Variants in CTNNA3 observed in about 807,000 individuals in gnomAD.
The protein encoded by CTNNA3 is catenin alpha 3.
Under a neutral mutation model 95.7 loss-of-function variants are expected in CTNNA3, and 76 were observed. The ratio of observed to expected loss-of-function variants is 0.79; its 90% confidence interval spans 0.66 to 0.96. The LOEUF is 0.96. Ranked by LOEUF, CTNNA3 falls within the 40% of genes least tolerant of loss-of-function variation. The probability of loss-of-function intolerance (pLI) is 0.00; values close to 1 mark genes in which losing one functional copy is unlikely to be tolerated. For synonymous variants in CTNNA3, 431 were observed against 374.4 expected, an observed-to-expected ratio of 1.15 and a Z score of -1.74; for missense variants, 1,191 against 1,089.8, an observed-to-expected ratio of 1.09 and a Z score of -1.31.
In CTNNA3 at chr10:66,993,694, GAAAA is replaced by G. The variant is rs58941459; in HGVS notation, c.1047+186619_1047+186622del. 3.2e-4 allele frequency among the ~76,000 whole-genome samples: 45 copies of G among 142,208 alleles called. 1 individual carries two copies. The highest frequency in any genetic ancestry group is 9.9e-4 in the African/African-American group (39 of 39,208). The allele number at this position is 142,208 out of a possible 152,430, so 93.3% of individuals were successfully genotyped here. ...GCTCTTGCACTAATGATACATAAAT[GAAAA>G]AAAAAAAAAAACAGATAAAACCTCC... On this transcript the variant is annotated intron_variant, in intron 7 of 17. Coordinates refer to ENST00000433211, the MANE Select transcript of CTNNA3 (RefSeq NM_013266.4).
chr10:67,042,818 A>C (rs1477134037), intron 7 of CTNNA3, among the ~76,000 whole-genome samples: 1 of 152,170 alleles, frequency 6.6e-6, no homozygotes, highest in Non-Finnish European at 1.5e-5. Context: ...TAGATAGTCA[A>C]CGAGAGTTAA....
At position 66,375,022 on chromosome 10, in the gene CTNNA3, G is replaced by A. The variant is rs1341434583; in HGVS notation, c.1732+4130C>T. ...ACGTCCCTTAAGAGCTACAGTGCAC[G>A]AGAACAGAAAGAATTCATTATTGCC... On this transcript the variant is annotated intron_variant, in intron 12 of 17. Coordinates refer to ENST00000433211, the MANE Select transcript of CTNNA3 (RefSeq NM_013266.4). Among the ~76,000 whole-genome samples the A allele has an allele frequency of 5.3e-5, 8 of 152,148 alleles. No homozygotes were observed. The South Asian group carries it at 1.2e-3, about 24-fold the overall frequency.
intron 9 of CTNNA3, among the ~76,000 whole-genome samples, chr10:66,742,665 C>A (rs4310509): frequency 6.6e-6 from 1 of 151,864 alleles, no homozygotes; most frequent in Non-Finnish European, 1.5e-5. Context: ...TTTCTCAGAC[C>A]GGCTGACACT....
intron 13 of CTNNA3, among the ~76,000 whole-genome samples, chr10:66,132,262 A>G (rs1219222298): frequency 2.0e-5 from 3 of 152,232 alleles, no homozygotes; most frequent in Non-Finnish European, 4.4e-5. Context: ...ACACTTTTCA[A>G]AAGAAGACAT....
intron 1 of CTNNA3, among the ~76,000 whole-genome samples, chr10:67,675,075 A>G (rs928737389): frequency 2.6e-5 from 4 of 152,020 alleles, no homozygotes; most frequent in African/African-American, 9.7e-5. Flanking sequence ...AGTGAAGAAA[A>G]CTAAGTTTCT....
In CTNNA3 at chr10:66,517,175, T is replaced by C. The variant is rs188150505; in HGVS notation, c.1531+3442A>G. 1.0e-2 allele frequency among the ~76,000 whole-genome samples: 1,514 copies of C among 152,106 alleles called. 28 individuals carry two copies. Among genetic ancestry groups the C allele is most frequent in the African/African-American group, 0.035 (1,438 of 41,482 alleles). ...AGGTGGAGTTGCAGTGAGCCAAGAT[T>C]GCGCCACTGCACTCAAGCCTGGGTG... On this transcript the variant is annotated intron_variant, in intron 11 of 17. Coordinates refer to ENST00000433211, the MANE Select transcript of CTNNA3 (RefSeq NM_013266.4).
chr10:67,071,272 T>C lies in CTNNA3; in HGVS notation c.1047+109045A>G, dbSNP rs572024644. Among the ~76,000 whole-genome samples, 3 of 152,060 alleles carry C rather than the reference T, an allele frequency of 2.0e-5. No individual in the cohort carries two copies. In the South Asian group the frequency reaches 6.2e-4, roughly 32 times the overall value. On this transcript the variant is annotated intron_variant, in intron 7 of 17. Coordinates refer to ENST00000433211, the MANE Select transcript of CTNNA3 (RefSeq NM_013266.4). ...TACAACAATTCCCTTTGGTATTCCT[T>C]TTAGTGCAGGCCTCATACTGATTAA...
At chr10:67,444,908 G>A (rs1331027551) in intron 5 of CTNNA3, among the ~76,000 whole-genome samples, 3 of 151,970 alleles carry the variant, frequency 2.0e-5, no homozygotes, top group African/African-American at 7.2e-5. Flanking sequence ...ATAATAAAGT[G>A]TCATCCAGCA....
intron 1 of CTNNA3, among the ~76,000 whole-genome samples, chr10:67,727,452 A>G (rs992280068): frequency 1.3e-4 from 18 of 133,694 alleles, no homozygotes; most frequent in Non-Finnish European, 3.1e-5. Context: ...TATATTATAT[A>G]TCATATATAT....
At chr10:66,265,962 C>T (rs764759430) in intron 13 of CTNNA3, among the ~76,000 whole-genome samples, 6 of 148,368 alleles carry the variant, frequency 4.0e-5, no homozygotes, top group Admixed American at 2.7e-4. Context: ...GCCCGTAGTA[C>T]GTACTCAATA....
At chr10:65,933,881 G>C (rs934395776) in intron 17 of CTNNA3, among the ~76,000 whole-genome samples, 2 of 152,118 alleles carry the variant, frequency 1.3e-5, no homozygotes, top group Non-Finnish European at 2.9e-5. Flanking sequence ...ATGTGACCCA[G>C]TCCCGACCAG....
chr10:67,691,700 C>T (rs1368440351), intron 1 of CTNNA3, among the ~76,000 whole-genome samples: 1 of 151,962 alleles, frequency 6.6e-6, no homozygotes, highest in Non-Finnish European at 1.5e-5. Flanking sequence ...ACCCAGCAGC[C>T]ACCCCGTCTG....
intron 10 of CTNNA3, among the ~76,000 whole-genome samples, chr10:66,577,398 G>T (rs905650007): frequency 6.6e-6 from 1 of 151,958 alleles, no homozygotes; most frequent in Non-Finnish European, 1.5e-5. Context: ...TAAATTCTTT[G>T]CAAAGGCCCA....
At chr10:66,532,250 C>T (rs2132052366) in intron 10 of CTNNA3, among the ~76,000 whole-genome samples, 1 of 152,190 alleles carries the variant, frequency 6.6e-6, no homozygotes, top group Middle Eastern at 3.4e-3. Flanking sequence ...ATCACAAGGT[C>T]AGGAGATCGA....
At chr10:66,446,088 T>A (rs1036256681) in intron 11 of CTNNA3, among the ~76,000 whole-genome samples, 8 of 152,132 alleles carry the variant, frequency 5.3e-5, no homozygotes, top group African/African-American at 1.9e-4. Flanking sequence ...AATGGATAAA[T>A]TCCTTGACAC....
intron 7 of CTNNA3, among the ~76,000 whole-genome samples, chr10:67,087,953 TG>T (rs1484243471): frequency 6.6e-6 from 1 of 152,020 alleles, no homozygotes; most frequent in Non-Finnish European, 1.5e-5. Flanking sequence ...CATAGATTCT[TG>T]TGCTCAAAAA....
At chr10:66,564,097 G>T (rs1842634465) in intron 10 of CTNNA3, among the ~76,000 whole-genome samples, 1 of 152,052 alleles carries the variant, frequency 6.6e-6, no homozygotes, top group Non-Finnish European at 1.5e-5. Context: ...TTTCTCCATT[G>T]ACTGAGACCT....
intron 7 of CTNNA3, among the ~76,000 whole-genome samples, chr10:66,787,569 C>G (rs1840799241): frequency 6.6e-6 from 1 of 152,038 alleles, no homozygotes; most frequent in African/African-American, 2.4e-5. Flanking sequence ...GAGTAGCAAG[C>G]CCCTTTATGA....
At chr10:65,929,537 T>C (rs1564521625) in intron 17 of CTNNA3, among the ~76,000 whole-genome samples, 2 of 152,078 alleles carry the variant, frequency 1.3e-5, no homozygotes, top group Non-Finnish European at 2.9e-5. Flanking sequence ...CACATACCCA[T>C]GCACATAAAT....
Sources: allele counts gnomAD v4.1 joint callset (sites outside exome capture counted in the v4.1 genomes callset), GRCh38; gene constraint gnomAD v4.1.1; transcripts MANE v1.5; gene names NCBI Gene and HGNC (gene_info 2026-07-23, HGNC 2026-07-21).